Variants in MTMR9 observed in about 807,000 individuals in gnomAD.
MTMR9 encodes the protein myotubularin-related protein 9.
A neutral mutation model predicts 69.5 loss-of-function variants in MTMR9; 39 were observed. The observed-to-expected ratio is 0.56, with a 90% confidence interval of 0.43 to 0.73. The LOEUF (loss-of-function observed/expected upper bound fraction) is 0.73, where lower values mean the gene tolerates loss of function less well. MTMR9 is among the 30% of genes least tolerant of loss of function. The pLI, the probability that MTMR9 is intolerant of heterozygous loss-of-function variation, is 0.00. For missense variants in MTMR9, 900 were observed against 671.2 expected, an observed-to-expected ratio of 1.34 and a Z score of -3.77; for synonymous variants, 354 against 240.8, an observed-to-expected ratio of 1.47 and a Z score of -4.35.
chr8:11,331,923 G>A, downstream of MTMR9: 14 of 1,612,060 alleles, frequency 8.7e-6, no homozygotes, highest in Non-Finnish European at 1.1e-5. Flanking sequence ...TGTGGGCTAT[G>A]CGGTCACCAA....
chr8:11,302,402 C>T (rs1799781739), intron 3 of MTMR9, among the ~76,000 whole-genome samples: 1 of 150,306 alleles, frequency 6.7e-6, no homozygotes, highest in Non-Finnish European at 1.5e-5. Flanking sequence ...CAGCAAATAC[C>T]ATACAAGATA....
downstream of MTMR9, among the ~76,000 whole-genome samples, chr8:11,330,387 T>A (rs1279893577): frequency 6.6e-6 from 1 of 151,944 alleles, no homozygotes; most frequent in East Asian, 1.9e-4. Context: ...GAGGAGCCCC[T>A]CTGCCCGGCC....
chr8:11,298,117 T>C (rs1799621680), intron 2 of MTMR9, among the ~76,000 whole-genome samples: 1 of 152,204 alleles, frequency 6.6e-6, no homozygotes. Context: ...GAAGCTTTTT[T>C]TCAGTGTTTC....
At chr8:11,304,701 G>T (rs1034923332) in intron 3 of MTMR9, 140 bp from the exon 4 acceptor site, 11 of 791,810 alleles carry the variant, frequency 1.4e-5, no homozygotes, top group Non-Finnish European at 2.2e-5. Context: ...TTACATATAA[G>T]CTAGAGATCC....
the MTMR9 span, among the ~76,000 whole-genome samples, chr8:11,334,843 C>T: frequency 6.6e-6 from 1 of 152,210 alleles, no homozygotes; most frequent in Non-Finnish European, 1.5e-5. Context: ...AGAAAAACCA[C>T]ATGGTCATAT....
intron 7 of MTMR9, among the ~76,000 whole-genome samples, chr8:11,315,666 C>G (rs891240232): frequency 6.6e-6 from 1 of 152,212 alleles, no homozygotes; most frequent in Non-Finnish European, 1.5e-5. Context: ...AAAAGAGTAT[C>G]TTGCTCCTCT....
chr8:11,337,204 G>C, the MTMR9 span, among the ~76,000 whole-genome samples: 5 of 152,034 alleles, frequency 3.3e-5, no homozygotes, highest in African/African-American at 1.2e-4. Flanking sequence ...TCTTGCTCTC[G>C]TAGCCACTCA....
At chr8:11,334,385 C>T in the MTMR9 span, among the ~76,000 whole-genome samples, 1 of 152,084 alleles carries the variant, frequency 6.6e-6, no homozygotes, top group South Asian at 2.1e-4. Context: ...GGGCGTGGGA[C>T]AGAGCTGTAT....
At chr8:11,336,476 C>T in the MTMR9 span, among the ~76,000 whole-genome samples, 1 of 152,204 alleles carries the variant, frequency 6.6e-6, no homozygotes, top group African/African-American at 2.4e-5. Flanking sequence ...ACTCTATGCC[C>T]AGTCTGAAAG....
At chr8:11,285,679 C>A (rs982238014) in intron 1 of MTMR9, among the ~76,000 whole-genome samples, 4 of 152,104 alleles carry the variant, frequency 2.6e-5, no homozygotes, top group African/African-American at 9.7e-5. Context: ...AGGCATGGAC[C>A]AGTTAACCTC....
At chr8:11,339,158 A>G in the MTMR9 span, among the ~76,000 whole-genome samples, 1 of 152,158 alleles carries the variant, frequency 6.6e-6, no homozygotes, top group East Asian at 1.9e-4. Flanking sequence ...TGACCCCTGC[A>G]AATCCAGTTA....
intron 8 of MTMR9, chr8:11,317,658 TTCC>T (rs1176737983): frequency 7.2e-5 from 11 of 152,368 alleles, no homozygotes; most frequent in Admixed American, 7.2e-4. Context: ...ATTACAGGTC[TTCC>T]TCCTCCTGCT....
Position 11,285,029 on chromosome 8 carries a change from G to T in MTMR9, c.141G>T (p.Glu47Asp), listed in dbSNP as rs780084606. The stretch of plus-strand genomic sequence containing the variant: ...CCTCCCGGCAGGACAATACGGAGGA[G>T]CTGTGGCTCCTCCATTCAAACATCG... ...ILSSRQDNTEELWLLHSNIDA... is the reference protein window; with the variant it reads ...ILSSRQDNTEDLWLLHSNIDA... Residue 47 changes from glutamate to aspartate, a missense_variant, in exon 1 of 10, where the codon GAG (glutamate) becomes GAT (aspartate). Glu to Asp is a conservative substitution (Grantham distance 45). Transcript: ENST00000221086. 1 of 1,612,316 alleles carries T rather than the reference G, an allele frequency of 6.2e-7. No homozygotes were observed. Among genetic ancestry groups the T allele is most frequent in the Non-Finnish European group, 8.5e-7 (1 of 1,179,288 alleles).
intron 3 of MTMR9, among the ~76,000 whole-genome samples, chr8:11,304,021 T>C (rs779822269): frequency 6.6e-6 from 1 of 152,200 alleles, no homozygotes; most frequent in African/African-American, 2.4e-5. Flanking sequence ...AACTCAGATA[T>C]ACAGAACATA....
At chr8:11,295,502 C>A (rs201291349) in intron 2 of MTMR9, among the ~76,000 whole-genome samples, 200 bp downstream of exon 2, 1 of 64,550 alleles carries the variant, frequency 1.5e-5, no homozygotes, top group African/African-American at 3.6e-5. Context: ...TGGTGTTACT[C>A]ACGTTATATG....
At chr8:11,336,790 G>T in the MTMR9 span, among the ~76,000 whole-genome samples, 1 of 152,178 alleles carries the variant, frequency 6.6e-6, no homozygotes, top group Non-Finnish European at 1.5e-5. Flanking sequence ...AGTGTGAAAG[G>T]GATCGGAATC....
chr8:11,295,209 G>A lies in MTMR9; in HGVS notation c.198G>A (p.Leu66=), dbSNP rs138592474. The change falls in exon 2 of 10, where the codon CTG becomes CTA. Residue 66 remains leucine (L), a synonymous_variant. Transcript: ENST00000221086. ...DAIDKRFVGS[L]GTIIIKCKDF... ...TTTCTTACAGATTTGTAGGATCACT[G>A]GGTACCATCATCATAAAATGTAAAG... is the stretch of plus-strand genomic sequence containing the variant. 3.7e-6 allele frequency: 6 copies of A among 1,602,318 alleles called. 1 individual carries two copies. Among genetic ancestry groups the A allele is most frequent in the South Asian group, 2.2e-5 (2 of 90,302 alleles).
At chr8:11,285,828 T>C (rs1480760897) in intron 1 of MTMR9, among the ~76,000 whole-genome samples, 1 of 152,190 alleles carries the variant, frequency 6.6e-6, no homozygotes, top group Non-Finnish European at 1.5e-5. Flanking sequence ...TGATTATCCG[T>C]TTTACACAGA....
chr8:11,333,997 A>G, the MTMR9 span, among the ~76,000 whole-genome samples: 4 of 152,220 alleles, frequency 2.6e-5, no homozygotes, highest in East Asian at 7.7e-4. Flanking sequence ...GGTTCCTGAT[A>G]AAAAAGATTC....
Sources: gnomAD v4.1 joint callset for allele counts (sites outside exome capture counted in the v4.1 genomes callset) on GRCh38, gnomAD v4.1.1 for gene constraint, MANE v1.5 for transcripts, NCBI Gene and HGNC (gene_info 2026-07-23, HGNC 2026-07-21) for gene names.